OR56A3: variants seen among roughly 807,000 people sequenced by gnomAD.
The protein encoded by OR56A3 is olfactory receptor 56A3.
Under a neutral mutation model 17.5 loss-of-function variants are expected in OR56A3, and 23 were observed. The ratio of observed to expected loss-of-function variants is 1.32; its 90% CI spans 0.95 to 1.87. The LOEUF (loss-of-function observed/expected upper bound fraction) is 1.87. Ranked by LOEUF, OR56A3 falls within the 40% of genes most tolerant of loss-of-function variation. OR56A3 has a pLI of 0.00. For missense variants in OR56A3, 366 were observed against 380.1 expected (o/e 0.96, Z 0.31); for synonymous variants, 175 against 150.6 (o/e 1.16, Z -1.19).
chr11:5,974,065 C>T, the OR56A3 span, among the ~76,000 whole-genome samples: 10 of 151,440 alleles, frequency 6.6e-5, no homozygotes, highest in Non-Finnish European at 1.2e-4. Context: ...TATTGATTCC[C>T]TTGACCCTGC....
chr11:5,983,428 T>C, the OR56A3 span, among the ~76,000 whole-genome samples: 491 of 152,052 alleles, frequency 3.2e-3, 2 homozygotes, highest in African/African-American at 0.011. Context: ...TCCAATTTAA[T>C]TCTGTATTGG....
At chr11:5,992,627 A>G in the OR56A3 span, among the ~76,000 whole-genome samples, 13 of 152,270 alleles carry the variant, frequency 8.5e-5, no homozygotes, top group African/African-American at 3.1e-4. Context: ...GACAAACCCA[A>G]GGGCCTCAAC....
At position 5,949,782 on chromosome 11, in the gene OR56A3, T is replaced by C. The variant is rs1443539236; in HGVS notation, c.*1488T>C. On this transcript the variant is annotated 3_prime_UTR_variant, in exon 3 of 3. Transcript: ENST00000641160. The stretch of plus-strand genomic sequence containing the variant: ...CTTCTCCATCTTGCAAAAAAAATGA[T>C]AAATTAGTATTTAATTCCTGGATAT... The C allele has an allele frequency of 6.6e-6, 1 of 152,188 alleles. No homozygotes were observed. The highest frequency in any genetic ancestry group is 2.4e-5 in the African/African-American group (1 of 41,442). The allele number at this position is 152,188 out of a possible 1,614,324, so 9.4% of individuals were successfully genotyped here. A position where few individuals can be genotyped will look rare whatever the true frequency, so the allele number is the denominator to read the frequency against.
chr11:5,983,044 G>A, the OR56A3 span, among the ~76,000 whole-genome samples: 1 of 152,026 alleles, frequency 6.6e-6, no homozygotes, highest in Non-Finnish European at 1.5e-5. Flanking sequence ...GTCTCTTGGT[G>A]GGAGAAGCTC....
At position 5,948,099 on chromosome 11, in the gene OR56A3, C is replaced by T. The variant is rs1847884943; in HGVS notation, c.753C>T (p.Leu251=). ...ALSTCGSHFM[L]ILFFSTILLV... ...GCACATGTGGCTCCCACTTCATGCT[C>T]ATCCTCTTCTTCAGCACCATCCTTC... is the stretch of plus-strand genomic sequence containing the variant. The change falls in exon 3 of 3, where the codon CTC becomes CTT. Residue 251 remains leucine, a synonymous_variant. Coordinates refer to ENST00000641160, the MANE Select transcript of OR56A3 (RefSeq NM_001003443.3). The T allele has an allele frequency of 1.9e-6, 3 of 1,614,252 alleles. No homozygotes were observed. Among genetic ancestry groups the T allele is most frequent in the Non-Finnish European group, 2.5e-6 (3 of 1,180,048 alleles).
At chr11:5,994,270 C>A in the OR56A3 span, 1 of 598,236 alleles carries the variant, frequency 1.7e-6, no homozygotes, top group Non-Finnish European at 3.1e-6. Flanking sequence ...GACTGTACAT[C>A]TCAGCTCCAT....
At chr11:6,014,361 A>T in the OR56A3 span, among the ~76,000 whole-genome samples, 1 of 152,204 alleles carries the variant, frequency 6.6e-6, no homozygotes, top group Admixed American at 6.5e-5. Context: ...ATGGTTTAAC[A>T]CCATCCTCCG....
chr11:5,986,610 G>A, the OR56A3 span: 1 of 1,613,920 alleles, frequency 6.2e-7, no homozygotes, highest in South Asian at 1.1e-5. Flanking sequence ...CAATCTCGTG[G>A]GCATGAACCA....
chr11:5,979,787 G>A, the OR56A3 span, among the ~76,000 whole-genome samples: 2 of 151,570 alleles, frequency 1.3e-5, no homozygotes, highest in Non-Finnish European at 3.0e-5. Flanking sequence ...CCTCTAGGTG[G>A]GAAGTTAGGT....
At chr11:6,000,597 A>G in the OR56A3 span, 2 of 152,194 alleles carry the variant, frequency 1.3e-5, no homozygotes, top group Non-Finnish European at 2.9e-5. Flanking sequence ...CATGTACTCT[A>G]AAACTTAAAA....
At chr11:5,995,206 C>T in the OR56A3 span, among the ~76,000 whole-genome samples, 14 of 152,312 alleles carry the variant, frequency 9.2e-5, no homozygotes, top group Admixed American at 2.6e-4. Context: ...ACTTAGCTGA[C>T]GACCACTTTA....
the OR56A3 span, among the ~76,000 whole-genome samples, chr11:6,011,204 TTA>T: frequency 2.2e-4 from 27 of 122,490 alleles, no homozygotes; most frequent in East Asian, 1.2e-3. Context: ...GAGATTTATT[TTA>T]TATATATATA....
At chr11:5,986,787 G>A in the OR56A3 span, 6 of 1,613,914 alleles carry the variant, frequency 3.7e-6, no homozygotes, top group South Asian at 6.6e-5. Context: ...GGATGCCCAG[G>A]GGCAGTGCAA....
the OR56A3 span, among the ~76,000 whole-genome samples, chr11:5,981,701 A>G: frequency 6.6e-6 from 1 of 152,134 alleles, no homozygotes; most frequent in Non-Finnish European, 1.5e-5. Context: ...CATTGCTGGG[A>G]ACTAGGTGGT....
At chr11:5,983,659 G>T in the OR56A3 span, among the ~76,000 whole-genome samples, 1 of 152,126 alleles carries the variant, frequency 6.6e-6, no homozygotes, top group African/African-American at 2.4e-5. Context: ...CCACAAGGGG[G>T]ACATATGGGA....
chr11:5,975,596 C>G, the OR56A3 span, among the ~76,000 whole-genome samples: 1 of 152,042 alleles, frequency 6.6e-6, no homozygotes, highest in Non-Finnish European at 1.5e-5. Context: ...TTTTCTTCAT[C>G]CAGTCTATCA....
chr11:6,017,683 G>T, the OR56A3 span, among the ~76,000 whole-genome samples: 1 of 152,080 alleles, frequency 6.6e-6, no homozygotes, highest in African/African-American at 2.4e-5. Flanking sequence ...CTAGGAAACA[G>T]TTAACAAAAT....
the OR56A3 span, among the ~76,000 whole-genome samples, chr11:5,976,865 CT>C: frequency 1.8e-4 from 27 of 152,146 alleles, 1 homozygote; most frequent in Admixed American, 1.6e-3. Flanking sequence ...GACCCTCACC[CT>C]TCTGCCACCC....
chr11:5,986,152 C>A, the OR56A3 span: 1 of 1,613,898 alleles, frequency 6.2e-7, no homozygotes, highest in Non-Finnish European at 8.5e-7. Context: ...AATATGAGAG[C>A]CACATGTGCT....
Sources: allele counts gnomAD v4.1 joint callset (sites outside exome capture counted in the v4.1 genomes callset), GRCh38; gene constraint gnomAD v4.1.1; transcripts MANE v1.5; gene names NCBI Gene and HGNC (gene_info 2026-07-23, HGNC 2026-07-21).